The following ACOT11 variants were observed in gnomAD, a reference collection of about 807,000 sequenced individuals.
ACOT11 encodes acyl-coenzyme A thioesterase 11.
ACOT11 carries 69 observed loss-of-function variants against 77.5 expected under a neutral mutation model. The ratio of observed to expected loss-of-function variants is 0.89; its 90% CI spans 0.73 to 1.09. The LOEUF (loss-of-function observed/expected upper bound fraction) is 1.09. ACOT11 is among the 50% of genes least tolerant of loss of function. ACOT11 has a pLI of 0.00. For synonymous variants in ACOT11, 279 were observed against 313.0 expected (o/e 0.89, Z 1.15); for missense variants, 766 against 813.7 (o/e 0.94, Z 0.71).
intron 15 of ACOT11, chr1:54,630,695 C>T (rs1298601605): frequency 1.6e-6 from 1 of 617,430 alleles, no homozygotes. Context: ...TCCCACTTCA[C>T]ACCTCTATAT....
rs879039301 is a variant in ACOT11 at position 54,548,230 on chromosome 1, T to C, written c.-80T>C. ...AGCAGGAGAGGCCCACAGGCTTCAT[T>C]TGGAGTCAGGCCTGGCTGTTGCTCA... On this transcript the variant is annotated 5_prime_UTR_variant, in exon 1 of 16. Transcript: ENST00000343744. 6.5e-6 allele frequency: 10 copies of C among 1,540,968 alleles called. No individual in the cohort carries two copies. The South Asian group carries it at 9.5e-5, about 15-fold the overall frequency.
chr1:54,628,625 C>T (rs1378828615), intron 15 of ACOT11, among the ~76,000 whole-genome samples: 2 of 119,240 alleles, frequency 1.7e-5, no homozygotes, highest in South Asian at 3.0e-4. Flanking sequence ...AAAAAGAAAC[C>T]CATTTGCCTA....
At chr1:54,612,392 TGAC>T, downstream of ACOT11, 1 of 874,708 alleles carries the variant, frequency 1.1e-6, no homozygotes, top group Middle Eastern at 2.5e-4. Context: ...TTGGACGAAA[TGAC>T]CTTTAAGACC....
At chr1:54,606,016 A>G (rs1491000927) in intron 13 of ACOT11, among the ~76,000 whole-genome samples, 2 of 152,180 alleles carry the variant, frequency 1.3e-5, no homozygotes, top group Non-Finnish European at 2.9e-5. Context: ...CACTTGGTGA[A>G]TTGTATTTTG....
At chr1:54,550,579 T>C (rs1436569787) in intron 1 of ACOT11, among the ~76,000 whole-genome samples, 1 of 151,866 alleles carries the variant, frequency 6.6e-6, no homozygotes, top group African/African-American at 2.4e-5. Context: ...TTTGGGAGGC[T>C]GAGGCAGGTG....
chr1:54,599,219 TATATAAA>T (rs1643934056), intron 7 of ACOT11, 70 bp from the exon 8 acceptor site: 1 of 95,026 alleles, frequency 1.1e-5, no homozygotes, highest in African/African-American at 9.2e-5. Context: ...TATATATATA[TATATAAA>T]AATCTGGCCC....
At chr1:54,549,175 C>G (rs958787256) in intron 1 of ACOT11, among the ~76,000 whole-genome samples, 3 of 152,140 alleles carry the variant, frequency 2.0e-5, no homozygotes, top group African/African-American at 7.2e-5. Flanking sequence ...CCTGGCTCCC[C>G]CATTCCATGT....
At chr1:54,573,615 C>T (rs183859217) in intron 1 of ACOT11, among the ~76,000 whole-genome samples, 319 of 152,346 alleles carry the variant, frequency 2.1e-3, no homozygotes, top group Non-Finnish European at 2.8e-3. Flanking sequence ...CACCTGTAAT[C>T]CCAGCTACTT....
At chr1:54,563,119 G>A (rs1569657485) in intron 1 of ACOT11, among the ~76,000 whole-genome samples, 1 of 152,122 alleles carries the variant, frequency 6.6e-6, no homozygotes, top group African/African-American at 2.4e-5. Context: ...CCTCCCGGGC[G>A]GCGCTCGCTG....
intron 15 of ACOT11, chr1:54,623,389 A>T: frequency 6.2e-7 from 1 of 1,613,306 alleles, no homozygotes; most frequent in Non-Finnish European, 8.5e-7. Context: ...TGCTCCCTGC[A>T]GACCATGGCG....
chr1:54,614,766 A>G (rs1644153651), downstream of ACOT11: 15 of 1,613,966 alleles, frequency 9.3e-6, no homozygotes, highest in African/African-American at 1.3e-5. Context: ...GTTGATCCAT[A>G]TGGGCCGCCG....
intron 15 of ACOT11, among the ~76,000 whole-genome samples, chr1:54,619,540 G>C (rs1422017029): frequency 1.3e-5 from 2 of 152,202 alleles, no homozygotes; most frequent in African/African-American, 4.8e-5. Flanking sequence ...TTGAAGTGCA[G>C]ATTTCTGGCT....
chr1:54,632,593 G>C (rs1156716027), intron 16 of ACOT11, among the ~76,000 whole-genome samples: 1 of 152,150 alleles, frequency 6.6e-6, no homozygotes, highest in African/African-American at 2.4e-5. Flanking sequence ...GTGGGAATGG[G>C]AAAAAGTGAA....
At chr1:54,615,474 T>C (rs1644163246) in intron 15 of ACOT11, among the ~76,000 whole-genome samples, 1 of 151,870 alleles carries the variant, frequency 6.6e-6, no homozygotes, top group Admixed American at 6.6e-5. Flanking sequence ...GTGGTCATGG[T>C]AGTCAAGGGA....
chr1:54,587,550 C>CTTTTTTTTT (rs33913350), intron 3 of ACOT11, among the ~76,000 whole-genome samples: 2 of 73,564 alleles, frequency 2.7e-5, no homozygotes, highest in Non-Finnish European at 2.4e-5. Flanking sequence ...GTTTGTAATC[C>CTTTTTTTTT]TTTTTTTTTT....
intron 1 of ACOT11, among the ~76,000 whole-genome samples, chr1:54,562,035 G>A (rs1312847874): frequency 1.9e-4 from 14 of 75,300 alleles, no homozygotes; most frequent in South Asian, 4.9e-4. Flanking sequence ...CTGGCCGGGC[G>A]GAGGGCTGAC....
At chr1:54,564,304 G>A (rs1206145662) in intron 1 of ACOT11, among the ~76,000 whole-genome samples, 1 of 152,216 alleles carries the variant, frequency 6.6e-6, no homozygotes, top group Non-Finnish European at 1.5e-5. Context: ...ACAGCTTTAC[G>A]TCGTCTGTTA....
chr1:54,629,349 C>T (rs1046624672), intron 15 of ACOT11, among the ~76,000 whole-genome samples: 5 of 129,326 alleles, frequency 3.9e-5, no homozygotes, highest in Admixed American at 8.0e-5. Flanking sequence ...TGCAGTGGCG[C>T]GATCTCGGCT....
intron 11 of ACOT11, among the ~76,000 whole-genome samples, 179 bp from the exon 12 acceptor site, chr1:54,604,167 G>T (rs928941320): frequency 6.6e-6 from 1 of 152,100 alleles, no homozygotes; most frequent in Admixed American, 6.5e-5. Flanking sequence ...GTCTAGCCAA[G>T]CCCAAGCCTG....
Sources: allele counts gnomAD v4.1 joint callset (sites outside exome capture counted in the v4.1 genomes callset), GRCh38; gene constraint gnomAD v4.1.1; transcripts MANE v1.5; gene names NCBI Gene and HGNC (gene_info 2026-07-23, HGNC 2026-07-21).